The following PTCHD4 variants were observed in gnomAD, a reference collection of about 807,000 sequenced individuals.
PTCHD4 encodes the protein patched domain containing 4.
Under a neutral mutation model 58.1 loss-of-function variants are expected in PTCHD4, and 33 were observed. The ratio of observed to expected loss-of-function variants is 0.57; its 90% confidence interval spans 0.43 to 0.76. The LOEUF (loss-of-function observed/expected upper bound fraction) is 0.76. PTCHD4 is among the 30% of genes least tolerant of loss of function. The pLI is 0.00. For missense variants in PTCHD4, 1,058 were observed against 1,027.1 expected (o/e 1.03, Z -0.41); for synonymous variants, 478 against 409.6 (o/e 1.17, Z -2.02).
At chr6:48,037,691 C>T (rs1167351129) in intron 3 of PTCHD4, among the ~76,000 whole-genome samples, 2 of 152,008 alleles carry the variant, frequency 1.3e-5, no homozygotes, top group Admixed American at 6.6e-5. Context: ...AAACATCACT[C>T]AGACTATGTA....
intron 4 of PTCHD4, among the ~76,000 whole-genome samples, chr6:47,960,520 T>A (rs1444760901): frequency 2.6e-5 from 4 of 152,066 alleles, no homozygotes; most frequent in East Asian, 1.9e-4. Context: ...AAAATTTATA[T>A]CATGCTGACG....
chr6:47,957,583 TTA>T (rs1191084423), intron 4 of PTCHD4, among the ~76,000 whole-genome samples: 82 of 148,630 alleles, frequency 5.5e-4, no homozygotes, highest in Admixed American at 2.0e-3. Flanking sequence ...GTTTTTTTTT[TTA>T]TTTTTTTTAT....
rs150903946 is a variant in PTCHD4, at chr6:47,972,084, A to T, written c.898+36550T>A. Among the ~76,000 whole-genome samples, 37 of 152,352 alleles carry T rather than the reference A, an allele frequency of 2.4e-4. No individual in the cohort carries two copies. The East Asian group carries it at 5.6e-3, about 23-fold the overall frequency. On this transcript the variant is annotated intron_variant, in intron 4 of 4. Coordinates refer to ENST00000339488, the MANE Select transcript of PTCHD4 (RefSeq NM_001384253.1). ...ATATTAATGTGAGCACTGAACACTG[A>T]TTTAATAAATGATGGTAAAACAATA...
chr6:47,981,820 C>A (rs187420741), intron 4 of PTCHD4, among the ~76,000 whole-genome samples: 2 of 152,278 alleles, frequency 1.3e-5, no homozygotes, highest in East Asian at 3.9e-4. Context: ...GGAGACCCTT[C>A]TTAAGTGGCA....
intron 4 of PTCHD4, among the ~76,000 whole-genome samples, chr6:47,997,872 T>C (rs1308935649): frequency 1.7e-4 from 26 of 152,248 alleles, no homozygotes; most frequent in Non-Finnish European, 1.5e-4. Flanking sequence ...GTATCTTATC[T>C]TTCTCTGCCA....
chr6:47,879,730 A>G lies in PTCHD4; in HGVS notation c.1105T>C (p.Cys369Arg), dbSNP rs1031424789. The G allele has an allele frequency of 6.2e-7, 1 of 1,613,658 alleles. No homozygotes were observed. Among genetic ancestry groups the G allele is most frequent in the Non-Finnish European group, 8.5e-7 (1 of 1,179,742 alleles). ...EAVKVFCQNMCVSILLNYFYI... is the reference protein window; with the variant it reads ...EAVKVFCQNMRVSILLNYFYI... Reference sequence around the variant, plus strand: ...AAGTAGTTCAACAGAATAGAGACACACATGTTTTGACAGAAGACCTTCACA... The same window carrying G: ...AAGTAGTTCAACAGAATAGAGACACGCATGTTTTGACAGAAGACCTTCACA... The change falls in exon 5 of 5, where the codon TGT (cysteine) becomes CGT (arginine). Residue 369 changes from cysteine to arginine, a missense_variant. Cys to Arg is a radical substitution (Grantham distance 180, BLOSUM62 -3). Coordinates refer to ENST00000339488, the MANE Select transcript of PTCHD4 (RefSeq NM_001384253.1).
chr6:48,048,853 T>C (rs972019123), intron 3 of PTCHD4, among the ~76,000 whole-genome samples: 1 of 152,006 alleles, frequency 6.6e-6, no homozygotes, highest in African/African-American at 2.4e-5. Context: ...GAATATATTT[T>C]AGTGAGTGTT....
chr6:47,963,615 A>G (rs1767179744), intron 4 of PTCHD4, among the ~76,000 whole-genome samples: 2 of 152,320 alleles, frequency 1.3e-5, no homozygotes, highest in South Asian at 4.1e-4. Flanking sequence ...TGGATAAAGA[A>G]ACTGTGGTAC....
chr6:47,889,988 G>A (rs1188387587), intron 4 of PTCHD4, among the ~76,000 whole-genome samples: 2 of 152,018 alleles, frequency 1.3e-5, no homozygotes, highest in East Asian at 3.9e-4. Context: ...AATTTATTTT[G>A]TAGTTCTATG....
In PTCHD4 at chr6:47,872,696, C is replaced by T. The variant is rs540514387; in HGVS notation, c.*5607G>A. ...GATAGTGCAAAATCAGTGATAGTTT[C>T]CTTTATAAATACTTTATTATATTAA... On this transcript the variant is annotated 3_prime_UTR_variant, in exon 5 of 5. Transcript: ENST00000339488. Among the ~76,000 whole-genome samples, 3 of 151,502 alleles carry T rather than the reference C, an allele frequency of 2.0e-5. No homozygotes were observed. Among genetic ancestry groups the T allele is most frequent in the Admixed American group, 6.6e-5 (1 of 15,170 alleles).
At chr6:47,999,688 A>G (rs563616589) in intron 4 of PTCHD4, among the ~76,000 whole-genome samples, 1 of 152,290 alleles carries the variant, frequency 6.6e-6, no homozygotes, top group South Asian at 2.1e-4. Context: ...GAATCCATGA[A>G]CATAATAAAG....
At chr6:47,919,723 A>T (rs1765373743) in intron 4 of PTCHD4, among the ~76,000 whole-genome samples, 1 of 152,156 alleles carries the variant, frequency 6.6e-6, no homozygotes, top group South Asian at 2.1e-4. Context: ...TAAACAGGGC[A>T]GTGTTAGGCT....
intron 3 of PTCHD4, among the ~76,000 whole-genome samples, chr6:48,031,661 G>A (rs757797087): frequency 6.6e-6 from 1 of 152,066 alleles, no homozygotes; most frequent in Non-Finnish European, 1.5e-5. Flanking sequence ...GAGGCAAACA[G>A]TACTGCAAAA....
rs368609168 is a variant in PTCHD4 at position 48,021,721 on chromosome 6, G to C, written c.418-12607C>G. ...CATTGATTTATGTAGTTTGGAAACA[G>C]TACTGTCATTTATGAAGTCCACTTT... is the stretch of plus-strand genomic sequence containing the variant. On this transcript the variant is annotated intron_variant, in intron 3 of 4. Coordinates refer to ENST00000339488, the MANE Select transcript of PTCHD4 (RefSeq NM_001384253.1). Among the ~76,000 whole-genome samples, 187 of 152,168 alleles carry C rather than the reference G, an allele frequency of 1.2e-3. 4 individuals carry two copies. In the South Asian group the frequency reaches 0.037, roughly 30 times the overall value.
At chr6:48,101,088 G>C (rs1765593920) in intron 1 of PTCHD4, among the ~76,000 whole-genome samples, 2 of 151,846 alleles carry the variant, frequency 1.3e-5, no homozygotes, top group Admixed American at 6.6e-5. Flanking sequence ...AAGGAAAAAA[G>C]AAACCAGAAT....
At chr6:47,948,004 C>T (rs1012505453) in intron 4 of PTCHD4, among the ~76,000 whole-genome samples, 4 of 152,150 alleles carry the variant, frequency 2.6e-5, no homozygotes, top group African/African-American at 7.2e-5. Flanking sequence ...ATTTCTTCAG[C>T]TTGATTTCTC....
At chr6:48,012,742 C>T (rs551073009) in intron 3 of PTCHD4, among the ~76,000 whole-genome samples, 2 of 152,220 alleles carry the variant, frequency 1.3e-5, no homozygotes, top group African/African-American at 4.8e-5. Context: ...TTTTGAGATA[C>T]GTTCCATCAG....
chr6:48,021,030 G>T (rs1007366025), intron 3 of PTCHD4, among the ~76,000 whole-genome samples: 2 of 152,004 alleles, frequency 1.3e-5, no homozygotes, highest in Non-Finnish European at 2.9e-5. Flanking sequence ...TAAGCAATCT[G>T]TCTAACTAAA....
At position 47,873,035 on chromosome 6, in the gene PTCHD4, T is replaced by C. The variant is rs1763758491; in HGVS notation, c.*5268A>G. ...TGGGAATGAATGATGCTTATGTCGG[T>C]GCTTACTTTAAGCTTCTTTACAAAG... On this transcript the variant is annotated 3_prime_UTR_variant, in exon 5 of 5. Coordinates refer to ENST00000339488, the MANE Select transcript of PTCHD4 (RefSeq NM_001384253.1). Among the ~76,000 whole-genome samples, 2 of 151,714 alleles carry C rather than the reference T, an allele frequency of 1.3e-5. No individual in the cohort carries two copies. Among genetic ancestry groups the C allele is most frequent in the Admixed American group, 1.3e-4 (2 of 15,190 alleles).
Sources: allele counts gnomAD v4.1 joint callset (sites outside exome capture counted in the v4.1 genomes callset), GRCh38; gene constraint gnomAD v4.1.1; transcripts MANE v1.5; gene names NCBI Gene and HGNC (gene_info 2026-07-23, HGNC 2026-07-21).